DNAI7: variants seen among roughly 807,000 people sequenced by gnomAD.
DNAI7 encodes dynein axonemal intermediate chain 7, also known as cancer susceptibility 1.
DNAI7 carries 78 observed loss-of-function variants against 86.6 expected under a neutral mutation model. That is an observed-to-expected ratio of 0.90 (90% CI 0.75 to 1.09). The LOEUF (loss-of-function observed/expected upper bound fraction) is 1.09. DNAI7 is among the 50% of genes least tolerant of loss of function. The pLI, the probability that DNAI7 is intolerant of heterozygous loss-of-function variation, is 0.00. For missense variants in DNAI7, 753 were observed against 810.2 expected (o/e 0.93, Z 0.86); for synonymous variants, 274 against 273.0 (o/e 1.00, Z -0.04).
chr12:25,117,508 A>G (rs906808023), intron 12 of DNAI7, among the ~76,000 whole-genome samples: 1 of 152,180 alleles, frequency 6.6e-6, no homozygotes, highest in Non-Finnish European at 1.5e-5. Flanking sequence ...ATATAAAACA[A>G]CCTTAAAAAC....
intron 9 of DNAI7, among the ~76,000 whole-genome samples, chr12:25,137,091 T>C (rs1005572247): frequency 1.2e-4 from 18 of 152,182 alleles, no homozygotes; most frequent in Non-Finnish European, 2.6e-4. Flanking sequence ...CGTAAAAAGA[T>C]AATCACCTAG....
chr12:25,138,630 T>A (rs925463931), intron 9 of DNAI7, among the ~76,000 whole-genome samples: 1 of 152,118 alleles, frequency 6.6e-6, no homozygotes, highest in African/African-American at 2.4e-5. Context: ...AAAATCAAGA[T>A]GGAAATTTAA....
chr12:25,108,264 A>C (rs1482670393), downstream of DNAI7: 2 of 580,106 alleles, frequency 3.4e-6, no homozygotes, highest in Non-Finnish European at 5.9e-6. Context: ...TCTTTGAATG[A>C]GCTTTTTAAG....
At chr12:25,170,715 A>G (rs1160224017) in intron 2 of DNAI7, among the ~76,000 whole-genome samples, 2 of 152,234 alleles carry the variant, frequency 1.3e-5, no homozygotes, top group East Asian at 3.8e-4. Flanking sequence ...TCCAAGATAG[A>G]TCATATGATA....
intron 2 of DNAI7, among the ~76,000 whole-genome samples, chr12:25,164,282 C>G (rs1412169636): frequency 1.3e-5 from 2 of 151,876 alleles, no homozygotes; most frequent in African/African-American, 2.4e-5. Context: ...GGCAAGAATC[C>G]CCCAACCCTT....
At chr12:25,170,102 T>C (rs1947969421) in intron 2 of DNAI7, among the ~76,000 whole-genome samples, 2 of 151,944 alleles carry the variant, frequency 1.3e-5, no homozygotes, top group African/African-American at 4.8e-5. Context: ...GTTAAAGGCC[T>C]TGTCCCAGCC....
intron 9 of DNAI7, among the ~76,000 whole-genome samples, chr12:25,134,553 C>T (rs545386217): frequency 6.3e-4 from 95 of 151,920 alleles, no homozygotes; most frequent in Middle Eastern, 3.4e-3. Flanking sequence ...GACAGGGTTT[C>T]ACCATGTTGG....
chr12:25,192,329 GT>G (rs1032943802), intron 1 of DNAI7, among the ~76,000 whole-genome samples: 2 of 152,192 alleles, frequency 1.3e-5, no homozygotes, highest in Non-Finnish European at 2.9e-5. Context: ...TGTAAATCAG[GT>G]TTGGGGTAAG....
chr12:25,124,984 G>C (rs1941911230), intron 9 of DNAI7, among the ~76,000 whole-genome samples: 1 of 152,160 alleles, frequency 6.6e-6, no homozygotes, highest in Non-Finnish European at 1.5e-5. Context: ...AGTATTCCAT[G>C]GTGGGTATGT....
chr12:25,112,555 C>T (rs998426145), intron 13 of DNAI7, among the ~76,000 whole-genome samples: 4 of 151,834 alleles, frequency 2.6e-5, no homozygotes, highest in East Asian at 3.9e-4. Flanking sequence ...TACAGGCGCC[C>T]ACCACCACAC....
intron 7 of DNAI7, among the ~76,000 whole-genome samples, chr12:25,147,481 C>CCCCG (rs1044889049): frequency 3.4e-5 from 5 of 148,818 alleles, no homozygotes; most frequent in East Asian, 1.9e-4. Context: ...ATGAGACCAC[C>CCCCG]CCCATCTCTA....
intron 14 of DNAI7, 27 bp from the exon 15 acceptor site, chr12:25,110,267 G>A (rs370457701): frequency 3.8e-6 from 5 of 1,306,012 alleles, no homozygotes; most frequent in African/African-American, 2.9e-5. Context: ...AAATAGAATT[G>A]ATCTTTGAGC....
At chr12:25,135,712 T>A (rs922923569) in intron 9 of DNAI7, among the ~76,000 whole-genome samples, 7 of 151,948 alleles carry the variant, frequency 4.6e-5, no homozygotes, top group African/African-American at 1.7e-4. Flanking sequence ...AGGAGCTGGG[T>A]GAGGCCCATC....
intron 10 of DNAI7, among the ~76,000 whole-genome samples, chr12:25,122,331 C>T (rs2140471993): frequency 6.6e-6 from 1 of 151,646 alleles, no homozygotes; most frequent in East Asian, 1.9e-4. Flanking sequence ...GTGGTGCATG[C>T]CTGTGGTCCC....
At chr12:25,120,336 G>A (rs974641583) in intron 11 of DNAI7, among the ~76,000 whole-genome samples, 1 of 149,386 alleles carries the variant, frequency 6.7e-6, no homozygotes, top group African/African-American at 2.5e-5. Flanking sequence ...GAGAGAGAGA[G>A]AGAGAGGAAG....
intron 9 of DNAI7, among the ~76,000 whole-genome samples, chr12:25,134,352 C>CTTTTTTT (rs5797119): frequency 4.7e-4 from 43 of 91,158 alleles, no homozygotes; most frequent in East Asian, 7.0e-4. Context: ...CCTTGGCGTA[C>CTTTTTTT]TTTTTTTTTT....
At chr12:25,126,740 T>C (rs1444966431) in intron 9 of DNAI7, among the ~76,000 whole-genome samples, 1 of 152,206 alleles carries the variant, frequency 6.6e-6, no homozygotes, top group African/African-American at 2.4e-5. Flanking sequence ...GCCTTTGGCA[T>C]TATTTACCTT....
At chr12:25,160,402 T>TACTG (rs1946706544) in intron 3 of DNAI7, among the ~76,000 whole-genome samples, 1 of 152,246 alleles carries the variant, frequency 6.6e-6, no homozygotes, top group African/African-American at 2.4e-5. Context: ...CTTTTTCGAT[T>TACTG]ACTGACTCCA....
chr12:25,191,319 T>C (rs1292101178), intron 1 of DNAI7, among the ~76,000 whole-genome samples: 1 of 151,740 alleles, frequency 6.6e-6, no homozygotes, highest in African/African-American at 2.4e-5. Flanking sequence ...GGTGGGAAGA[T>C]CACTTGAGCC....
Sources: allele counts gnomAD v4.1 joint callset (sites outside exome capture counted in the v4.1 genomes callset), GRCh38; gene constraint gnomAD v4.1.1; transcripts MANE v1.5; gene names NCBI Gene and HGNC (gene_info 2026-07-23, HGNC 2026-07-21).